The following CCDC154 variants were observed in gnomAD, a reference collection of about 807,000 sequenced individuals.
CCDC154 encodes the protein coiled-coil domain-containing protein 154.
Under a neutral mutation model 87.5 loss-of-function variants are expected in CCDC154, and 91 were observed. The observed-to-expected ratio is 1.04, with a 90% CI of 0.88 to 1.24. The LOEUF (loss-of-function observed/expected upper bound fraction) is 1.24. Ranked by LOEUF, CCDC154 falls within the 50% of genes most tolerant of loss-of-function variation. The pLI is 0.00. For synonymous variants in CCDC154, 418 were observed against 400.4 expected (o/e 1.04, Z -0.52); for missense variants, 903 against 879.2 (o/e 1.03, Z -0.34).
chr16:1,439,598 G>C (rs548174437), intron 6 of CCDC154, among the ~76,000 whole-genome samples: 1 of 152,208 alleles, frequency 6.6e-6, no homozygotes, highest in South Asian at 2.1e-4. Flanking sequence ...TCTCATACAC[G>C]CAAAGGGTAG....
intron 12 of CCDC154, 30 bp from the exon 13 acceptor site, chr16:1,436,551 C>G: frequency 6.5e-7 from 1 of 1,547,016 alleles, no homozygotes; most frequent in Non-Finnish European, 8.7e-7. Flanking sequence ...CGGCGGGCAG[C>G]CCCAGGGCGC....
At chr16:1,436,129 G>A (rs1385194909) in intron 13 of CCDC154, 43 bp from the exon 14 acceptor site, 1 of 1,505,726 alleles carries the variant, frequency 6.6e-7, no homozygotes, top group Non-Finnish European at 9.0e-7. Context: ...GGTGTGCTCG[G>A]GGGTAGGGCC....
Position 1,436,094 on chromosome 16 carries a change from C to T in CCDC154, c.1488-8G>A, listed in dbSNP as rs966872497. Reference sequence around the variant, plus strand: ...GCCCCAACCTTGAACTCCCTATGGGCACCAGAGGCCGAGGCTGGCTGTCGG... The same window carrying T: ...GCCCCAACCTTGAACTCCCTATGGGTACCAGAGGCCGAGGCTGGCTGTCGG... On this transcript the variant is annotated splice_polypyrimidine_tract_variant and splice_region_variant and intron_variant, in intron 13 of 16. Coordinates refer to ENST00000389176, the MANE Select transcript of CCDC154 (RefSeq NM_001143980.3). The T allele has an allele frequency of 1.9e-6, 3 of 1,548,162 alleles. No individual in the cohort carries two copies. The highest frequency in any genetic ancestry group is 2.6e-6 in the Non-Finnish European group (3 of 1,145,206).
intron 11 of CCDC154, 34 bp from the exon 12 acceptor site, chr16:1,436,845 A>G: frequency 6.5e-7 from 1 of 1,549,452 alleles, no homozygotes; most frequent in Non-Finnish European, 8.7e-7. Context: ...GGACAAAGCC[A>G]AGAGAGGGGG....
rs1009828792 is a variant in CCDC154 at position 1,443,303 on chromosome 16, T to G, written c.415-2A>C. On this transcript the variant is annotated splice_acceptor_variant, in intron 3 of 16. Transcript: ENST00000389176. LOFTEE classifies it high-confidence loss of function. ...CATCTGGTTCTGGAGACCAGAGAAC[T>G]GCGAGGAGGAAGAGGAGGCTGTGGG... 1.3e-6 allele frequency: 2 copies of G among 1,548,644 alleles called. No individual in the cohort carries two copies. Among genetic ancestry groups the G allele is most frequent in the East Asian group, 4.9e-5 (2 of 40,888 alleles).
rs991765108 is a variant in CCDC154, at chr16:1,439,178, G to A, written c.676-52C>T. On this transcript the variant is annotated intron_variant, in intron 6 of 16. Coordinates refer to ENST00000389176, the MANE Select transcript of CCDC154 (RefSeq NM_001143980.3). ...TGCAGCCTCTGCTGGACACGCAGCCGGTCCCCCTCCTGCCCATGGTCTCCA... is the reference window on the plus strand; with the variant it reads ...TGCAGCCTCTGCTGGACACGCAGCCAGTCCCCCTCCTGCCCATGGTCTCCA... 5.8e-5 allele frequency: 85 copies of A among 1,468,776 alleles called. 3 individuals are homozygous for A. In the South Asian group the frequency reaches 8.8e-4, roughly 15 times the overall value. 91.0% of individuals were successfully genotyped at this position (1,468,776 alleles called of 1,614,324 possible).
intron 3 of CCDC154, 41 bp from the exon 4 acceptor site, chr16:1,443,342 C>G: frequency 6.5e-7 from 1 of 1,535,012 alleles, no homozygotes; most frequent in Non-Finnish European, 8.8e-7. Flanking sequence ...GACCTAGGCC[C>G]GGGTCTGGCA....
chr16:1,436,946 C>T (rs2038507537), intron 11 of CCDC154, 135 bp from the exon 12 acceptor site: 1 of 1,252,736 alleles, frequency 8.0e-7, no homozygotes, highest in Admixed American at 2.3e-5. Flanking sequence ...GTGCACAGGC[C>T]TGCAGGCGGC....
intron 6 of CCDC154, among the ~76,000 whole-genome samples, chr16:1,442,090 G>C (rs2142356215): frequency 6.6e-6 from 1 of 152,028 alleles, no homozygotes; most frequent in Middle Eastern, 3.4e-3. Flanking sequence ...CTAGTTTTTT[G>C]TATTTTTAGT....
At chr16:1,440,675 G>A (rs113981224) in intron 6 of CCDC154, among the ~76,000 whole-genome samples, 2 of 151,880 alleles carry the variant, frequency 1.3e-5, no homozygotes, top group African/African-American at 4.8e-5. Flanking sequence ...GGCGGGCTGG[G>A]CGCAGTGGCT....
rs1485344671 is a variant in CCDC154, at chr16:1,443,553, G to GCTGCAACTGCCTCAGCTCTGAGCC, written c.343_366dup (p.Gly115_Gln122dup). 7.3e-5 allele frequency: 108 copies of GCTGCAACTGCCTCAGCTCTGAGCC among 1,479,626 alleles called. No homozygotes were observed. The highest frequency in any genetic ancestry group is 8.7e-5 in the Non-Finnish European group (98 of 1,120,646). 91.7% of individuals were successfully genotyped at this position (1,479,626 alleles called of 1,614,324 possible). A position where few individuals can be genotyped will look rare whatever the true frequency, so the allele number is the denominator to read the frequency against. ...GCCTGGGCTGCCGGCCGCGCCTCCT[G>GCTGCAACTGCCTCAGCTCTGAGCC]CTGCAACTGCCTCAGCTCTGAGCCC... On this transcript the variant is annotated inframe_insertion, in exon 3 of 17. Coordinates refer to ENST00000389176, the MANE Select transcript of CCDC154 (RefSeq NM_001143980.3).
intron 6 of CCDC154, among the ~76,000 whole-genome samples, chr16:1,441,875 G>A (rs954013992): frequency 6.6e-6 from 1 of 152,168 alleles, no homozygotes; most frequent in South Asian, 2.1e-4. Context: ...AAAAGTGCTG[G>A]GATTTACAGG....
Position 1,443,558 on chromosome 16 carries a change from A to G in CCDC154, c.362T>C (p.Leu121Ser). The G allele has an allele frequency of 6.8e-7, 1 of 1,481,214 alleles. No individual in the cohort carries two copies. The highest frequency in any genetic ancestry group is 8.9e-7 in the Non-Finnish European group (1 of 1,120,534). The allele number at this position is 1,481,214 out of a possible 1,614,324, so 91.8% of individuals were successfully genotyped here. The stretch of plus-strand genomic sequence containing the variant: ...GGCTGCCGGCCGCGCCTCCTGCTGC[A>G]ACTGCCTCAGCTCTGAGCCCTGCAG... ...VQLQGSELRQ[L>S]QQEARPAAQA... Residue 121 changes from leucine to serine, a missense_variant, in exon 3 of 17, where the codon TTG (leucine) becomes TCG (serine). By Grantham distance (145) the Leu-to-Ser change is moderately radical. Coordinates refer to ENST00000389176, the MANE Select transcript of CCDC154 (RefSeq NM_001143980.3).
At chr16:1,436,352 A>G in intron 13 of CCDC154, 93 bp downstream of exon 13, 1 of 1,145,868 alleles carries the variant, frequency 8.7e-7, no homozygotes, top group Non-Finnish European at 1.3e-6. Flanking sequence ...CTGTCACGAT[A>G]CCAGGGGATT....
chr16:1,439,544 G>C (rs117760181), intron 6 of CCDC154, among the ~76,000 whole-genome samples: 2,159 of 151,840 alleles, frequency 0.014, 36 homozygotes, highest in Non-Finnish European at 0.024. Context: ...CTGCCGCCCT[G>C]AAGGGGAGGG....
chr16:1,437,038 C>T, intron 11 of CCDC154: 3 of 597,400 alleles, frequency 5.0e-6, no homozygotes, highest in South Asian at 4.3e-5. Flanking sequence ...GGGGGCTGTT[C>T]CGACCACACA....
chr16:1,437,224 G>C (rs931789970), intron 11 of CCDC154: 1 of 213,024 alleles, frequency 4.7e-6, no homozygotes, highest in East Asian at 1.3e-4. Context: ...ACGAGGCCCC[G>C]AGGAGCGGGA....
chr16:1,434,542 G>A lies in CCDC154; in HGVS notation c.1878-8C>T, dbSNP rs1356555919. On this transcript the variant is annotated splice_region_variant and splice_polypyrimidine_tract_variant and intron_variant, in intron 16 of 16. Transcript: ENST00000389176. ...GCCTTCCAGCGCAGCCACCTGTCCA[G>A]AGATGCGGCACATGGCCCCTGCACC... 2 of 1,541,758 alleles carry A rather than the reference G, an allele frequency of 1.3e-6. No homozygotes were observed. Among genetic ancestry groups the A allele is most frequent in the African/African-American group, 2.7e-5 (2 of 72,858 alleles).
At position 1,438,844 on chromosome 16, in the gene CCDC154, G is replaced by A. The variant is rs543638828; in HGVS notation, c.877C>T (p.Arg293Cys). The change falls in exon 8 of 17, where the codon CGC becomes TGC. Residue 293 changes from arginine (R) to cysteine (C), a missense_variant. By Grantham distance (180) the Arg-to-Cys change is radical. Coordinates refer to ENST00000389176, the MANE Select transcript of CCDC154 (RefSeq NM_001143980.3). Reference sequence around the variant, plus strand: ...TGCTGCCCCTGCAGGGCCCGCAGGCGCTCCTCCATCAGCCCCCGAAGCTTC... The same window carrying A: ...TGCTGCCCCTGCAGGGCCCGCAGGCACTCCTCCATCAGCCCCCGAAGCTTC... ...WEKLRGLMEE[R>C]LRALQGQHEE... 372 of 1,547,532 alleles carry A rather than the reference G, an allele frequency of 2.4e-4. 1 individual carries two copies. In the African/African-American group the frequency reaches 3.2e-3, roughly 13 times the overall value.
Sources: gnomAD v4.1 joint callset for allele counts (sites outside exome capture counted in the v4.1 genomes callset) on GRCh38, gnomAD v4.1.1 for gene constraint, MANE v1.5 for transcripts, NCBI Gene and HGNC (gene_info 2026-07-23, HGNC 2026-07-21) for gene names.